The following ST6GALNAC3 variants were observed in gnomAD, a reference collection of about 807,000 sequenced individuals.
The protein encoded by ST6GALNAC3 is alpha-N-acetylgalactosaminide alpha-2,6-sialyltransferase 3.
In ST6GALNAC3, 25 loss-of-function variants were observed where a neutral mutation model predicts 32.7. The ratio of observed to expected loss-of-function variants is 0.76; its 90% CI spans 0.56 to 1.07. The LOEUF (loss-of-function observed/expected upper bound fraction) is 1.07. Among genes scored for constraint, ST6GALNAC3 ranks in the 50% least tolerant of loss-of-function variants. The pLI, the probability that ST6GALNAC3 is intolerant of heterozygous loss-of-function variation, is 0.00. For missense variants in ST6GALNAC3, 355 were observed against 382.4 expected (o/e 0.93, Z 0.60); for synonymous variants, 129 against 133.1 (o/e 0.97, Z 0.21).
At chr1:76,456,787 T>C (rs1657840414) in intron 3 of ST6GALNAC3, among the ~76,000 whole-genome samples, 2 of 152,134 alleles carry the variant, frequency 1.3e-5, no homozygotes, top group South Asian at 2.1e-4. Flanking sequence ...CTTTGAAAAC[T>C]GGCACAAGAC....
At chr1:76,232,842 C>T (rs545018879) in intron 1 of ST6GALNAC3, among the ~76,000 whole-genome samples, 3 of 152,278 alleles carry the variant, frequency 2.0e-5, no homozygotes, top group South Asian at 2.1e-4. Context: ...AGAGATAGAC[C>T]GAGATGGAGA....
At chr1:76,492,648 G>A (rs929448119) in intron 3 of ST6GALNAC3, among the ~76,000 whole-genome samples, 4 of 152,112 alleles carry the variant, frequency 2.6e-5, no homozygotes, top group African/African-American at 7.2e-5. Flanking sequence ...AACCTAATTT[G>A]AATGTGAAGT....
intron 1 of ST6GALNAC3, among the ~76,000 whole-genome samples, chr1:76,269,908 G>C (rs1278195178): frequency 6.6e-6 from 1 of 151,932 alleles, no homozygotes; most frequent in Non-Finnish European, 1.5e-5. Flanking sequence ...TAATGCATGT[G>C]TGCCTGGAAC....
At chr1:76,577,314 C>G in intron 3 of ST6GALNAC3, 1 of 987,258 alleles carries the variant, frequency 1.0e-6, no homozygotes, top group Non-Finnish European at 1.2e-6. Context: ...CTAGATTTCC[C>G]TTGCCACTGC....
intron 1 of ST6GALNAC3, among the ~76,000 whole-genome samples, chr1:76,216,364 G>A (rs1655463793): frequency 1.3e-5 from 2 of 152,120 alleles, no homozygotes; most frequent in South Asian, 2.1e-4. Flanking sequence ...GACTTTTGTC[G>A]GATGTGTTTG....
chr1:76,429,011 G>GGGT (rs141899199), intron 3 of ST6GALNAC3, among the ~76,000 whole-genome samples: 8,154 of 152,006 alleles, frequency 0.054, 705 homozygotes, highest in African/African-American at 0.18. Context: ...TCTTTACTAA[G>GGGT]GGTAGCTTTA....
intron 2 of ST6GALNAC3, among the ~76,000 whole-genome samples, chr1:76,317,391 G>T (rs576703420): frequency 6.6e-6 from 1 of 152,244 alleles, no homozygotes; most frequent in Non-Finnish European, 1.5e-5. Context: ...ATGATAGGTG[G>T]TGAGTTCAGT....
chr1:76,146,701 G>A (rs914280075), intron 1 of ST6GALNAC3, among the ~76,000 whole-genome samples: 3 of 152,020 alleles, frequency 2.0e-5, no homozygotes, highest in South Asian at 2.1e-4. Context: ...CCCCCTCACC[G>A]CTAAAAAAAA....
At chr1:76,452,818 C>G (rs1657505599) in intron 3 of ST6GALNAC3, among the ~76,000 whole-genome samples, 1 of 152,124 alleles carries the variant, frequency 6.6e-6, no homozygotes, top group Non-Finnish European at 1.5e-5. Context: ...AGGATTCTCT[C>G]TTTCTCTATC....
intron 3 of ST6GALNAC3, among the ~76,000 whole-genome samples, chr1:76,488,980 G>A (rs1660317263): frequency 1.3e-5 from 2 of 152,108 alleles, no homozygotes. Flanking sequence ...CAGAATTTCA[G>A]CATTTCTGGA....
intron 2 of ST6GALNAC3, among the ~76,000 whole-genome samples, chr1:76,405,279 T>C (rs1653741762): frequency 6.6e-6 from 1 of 152,150 alleles, no homozygotes; most frequent in African/African-American, 2.4e-5. Context: ...CTTTCGTACA[T>C]GGCTGTTCCT....
chr1:76,626,938 T>C (rs1261000805), intron 3 of ST6GALNAC3, among the ~76,000 whole-genome samples: 3 of 151,932 alleles, frequency 2.0e-5, no homozygotes, highest in Non-Finnish European at 4.4e-5. Flanking sequence ...AGTTAAGAAA[T>C]CTTTTCAGAT....
rs1218900389 is a variant in ST6GALNAC3, at chr1:76,458,000, A to T, written c.623+45583A>T. 4.7e-3 allele frequency among the ~76,000 whole-genome samples: 707 copies of T among 149,788 alleles called. 4 individuals are homozygous for T. Among genetic ancestry groups the T allele is most frequent in the African/African-American group, 0.016 (666 of 40,764 alleles). ...AACCTACTCATCTGACAAAGGGCTAATATCCAGAATCTACAATGAACTCCA... is the reference window on the plus strand; with the variant it reads ...AACCTACTCATCTGACAAAGGGCTATTATCCAGAATCTACAATGAACTCCA... On this transcript the variant is annotated intron_variant, in intron 3 of 4. Transcript: ENST00000328299.
intron 1 of ST6GALNAC3, among the ~76,000 whole-genome samples, chr1:76,307,630 C>G (rs1016302882): frequency 6.6e-6 from 1 of 151,998 alleles, no homozygotes; most frequent in Admixed American, 6.6e-5. Flanking sequence ...CTAGTGAATA[C>G]TTGGTCATTA....
intron 2 of ST6GALNAC3, among the ~76,000 whole-genome samples, chr1:76,315,764 G>A (rs1646853281): frequency 6.6e-6 from 1 of 151,980 alleles, no homozygotes; most frequent in Non-Finnish European, 1.5e-5. Context: ...TGCAAAATAA[G>A]GATAACAACA....
At chr1:76,135,016 C>T (rs1002222986) in intron 1 of ST6GALNAC3, among the ~76,000 whole-genome samples, 2 of 152,018 alleles carry the variant, frequency 1.3e-5, no homozygotes, top group South Asian at 2.1e-4. Context: ...GTGGCATGCA[C>T]CTGTAATCCC....
At chr1:76,102,496 C>G (rs1647268324) in intron 1 of ST6GALNAC3, among the ~76,000 whole-genome samples, 2 of 152,004 alleles carry the variant, frequency 1.3e-5, no homozygotes, top group African/African-American at 4.8e-5. Context: ...CTCTTTTTCT[C>G]CCTTCTGTTG....
At chr1:76,134,342 A>G (rs183318828) in intron 1 of ST6GALNAC3, among the ~76,000 whole-genome samples, 107 of 152,326 alleles carry the variant, frequency 7.0e-4, no homozygotes, top group African/African-American at 2.5e-3. Flanking sequence ...CACTTTCCAT[A>G]TAAATTGTTG....
At chr1:76,089,184 A>C (rs913163559) in intron 1 of ST6GALNAC3, among the ~76,000 whole-genome samples, 1 of 152,112 alleles carries the variant, frequency 6.6e-6, no homozygotes, top group African/African-American at 2.4e-5. Context: ...ACCTGCCACT[A>C]CGCCCGGCTA....
Sources: gnomAD v4.1 joint callset for allele counts (sites outside exome capture counted in the v4.1 genomes callset) on GRCh38, gnomAD v4.1.1 for gene constraint, MANE v1.5 for transcripts, NCBI Gene and HGNC (gene_info 2026-07-23, HGNC 2026-07-21) for gene names.